Variants in ARL2 observed in about 807,000 individuals in gnomAD.
ARL2 encodes ARF like GTPase 2.
In ARL2, 11 loss-of-function variants were observed where a neutral mutation model predicts 22.0. The observed-to-expected ratio is 0.50, with a 90% CI of 0.31 to 0.83. The LOEUF is 0.83. Among genes scored for constraint, ARL2 ranks in the 40% least tolerant of loss-of-function variants. The probability of loss-of-function intolerance (pLI) is 0.04; values close to 1 mark genes in which losing one functional copy is unlikely to be tolerated. For missense variants in ARL2, 216 were observed against 243.2 expected, an observed-to-expected ratio of 0.89 and a Z score of 0.74; for synonymous variants, 111 against 100.8, an observed-to-expected ratio of 1.10 and a Z score of -0.61.
rs928698954 is a variant in ARL2 at position 65,018,791 on chromosome 11, A to T, written c.339+58A>T. On this transcript the variant is annotated intron_variant, in intron 3 of 4. Coordinates refer to ENST00000246747, the MANE Select transcript of ARL2 (RefSeq NM_001667.4). This position sits in a 1 kb window ranked among gnomAD's most constrained non-coding sequence, Gnocchi z 4.2. The stretch of plus-strand genomic sequence containing the variant: ...GGACGTGTGGCTGCCTTCTCAGCAG[A>T]TGCCCAGAGGGGCCCGTGGCCCCAG... The T allele has an allele frequency of 1.4e-5, 22 of 1,604,506 alleles. No homozygotes were observed. Among genetic ancestry groups the T allele is most frequent in the Non-Finnish European group, 1.8e-5 (21 of 1,178,152 alleles).
At chr11:65,021,637 C>T in intron 4 of ARL2, 84 bp from the exon 5 acceptor site, 2 of 1,468,462 alleles carry the variant, frequency 1.4e-6, no homozygotes, top group South Asian at 1.3e-5. Context: ...GCGTGGAGTT[C>T]CTCTGGGCTG....
chr11:65,021,724 C>T lies in ARL2; in HGVS notation c.424C>T (p.Leu142=). The change falls in exon 5 of 5, where the codon CTG becomes TTG. Residue 142 remains leucine (L), a synonymous_variant. Transcript: ENST00000246747. ...ALSSNAIREV[L]ELDSIRSHHW... is the part of the protein sequence containing the mutation. The stretch of plus-strand genomic sequence containing the variant: ...ATCAGCACCTTTGTCCTCCCAGGTC[C>T]TGGAGCTGGACTCCATCCGCAGCCA... 3 of 1,601,702 alleles carry T rather than the reference C, an allele frequency of 1.9e-6. No individual in the cohort carries two copies. Among genetic ancestry groups the T allele is most frequent in the Non-Finnish European group, 1.7e-6 (2 of 1,174,686 alleles).
At position 65,014,366 on chromosome 11, in the gene ARL2, G is replaced by A. The variant is rs1022351810; in HGVS notation, c.65+94G>A. ...CTGTCGGGAGCGGAACGCGGCGGCC[G>A]GCGCGTCCCAACTGCCCCTGGCGTC... On this transcript the variant is annotated intron_variant, in intron 1 of 4. Transcript: ENST00000246747. 19 of 1,126,648 alleles carry A rather than the reference G, an allele frequency of 1.7e-5. No individual in the cohort carries two copies. In the African/African-American group the frequency reaches 2.8e-4, roughly 17 times the overall value. 69.8% of individuals were successfully genotyped at this position (1,126,648 alleles called of 1,614,324 possible).
intron 1 of ARL2, among the ~76,000 whole-genome samples, chr11:65,014,968 C>T (rs1011832519): frequency 1.3e-5 from 2 of 152,244 alleles, no homozygotes; most frequent in Admixed American, 1.3e-4. Flanking sequence ...GAGACAGGGT[C>T]TTGCTCTGTT....
chr11:65,021,580 G>T, intron 4 of ARL2, 141 bp from the exon 5 acceptor site: 1 of 1,103,754 alleles, frequency 9.1e-7, no homozygotes, highest in Non-Finnish European at 1.3e-6. Flanking sequence ...CCCTGGGACC[G>T]GCGGGGCTTC....
chr11:65,018,907 G>A lies in ARL2; in HGVS notation c.339+174G>A. ...AGGCAGGACACATGCTGTGGACTGA[G>A]ATTGAGTTAACGTCCCTGTGGTGTT... On this transcript the variant is annotated intron_variant, in intron 3 of 4. Coordinates refer to ENST00000246747, the MANE Select transcript of ARL2 (RefSeq NM_001667.4). This position sits in a 1 kb window ranked among gnomAD's most constrained non-coding sequence, Gnocchi z 4.2. The A allele has an allele frequency of 6.5e-7, 1 of 1,533,564 alleles. No individual in the cohort carries two copies. The highest frequency in any genetic ancestry group is 2.5e-5 in the East Asian group (1 of 40,788). 95.0% of individuals were successfully genotyped at this position (1,533,564 alleles called of 1,614,324 possible).
intron 1 of ARL2, among the ~76,000 whole-genome samples, chr11:65,015,813 C>T (rs1195514309): frequency 6.6e-6 from 1 of 151,982 alleles, no homozygotes; most frequent in Non-Finnish European, 1.5e-5. Flanking sequence ...ATGCTTTGGA[C>T]CATGCTTCTG....
chr11:65,020,479 T>C lies in ARL2; in HGVS notation c.400T>C (p.Ser134Pro), dbSNP rs746804914. The stretch of plus-strand genomic sequence containing the variant: ...TAAGCAGGACCTGCCTGGAGCACTG[T>C]CCTCTAACGCCATCCGCGAGGTGAG... ...ANKQDLPGAL[S>P]SNAIREVLEL... Residue 134 changes from serine (S) to proline (P), a missense_variant, in exon 4 of 5, where the codon TCC becomes CCC. Coordinates refer to ENST00000246747, the MANE Select transcript of ARL2 (RefSeq NM_001667.4). 1.9e-6 allele frequency: 3 copies of C among 1,612,220 alleles called. No homozygotes were observed. In the South Asian group the frequency reaches 3.3e-5, roughly 18 times the overall value.
Position 65,018,457 on chromosome 11 carries a change from G to C in ARL2, c.159G>C (p.Lys53Asn), listed in dbSNP as rs749724483. ...CCCCAACGCTGGGCTTCAACATCAA[G>C]ACCCTGGAGCACCGAGGGTGAGCAG... ...TISPTLGFNIKTLEHRGFKLN... is the reference protein window; with the variant it reads ...TISPTLGFNINTLEHRGFKLN... The change falls in exon 2 of 5, where the codon AAG becomes AAC. Residue 53 changes from lysine to asparagine, a missense_variant. Physicochemically the swap from Lys to Asn is moderately conservative, Grantham distance 94. Coordinates refer to ENST00000246747, the MANE Select transcript of ARL2 (RefSeq NM_001667.4). The surrounding 1 kb of genome is among the most constrained non-coding windows in gnomAD (Gnocchi z 4.2). 1 of 1,608,378 alleles carries C rather than the reference G, an allele frequency of 6.2e-7. No individual in the cohort carries two copies. The highest frequency in any genetic ancestry group is 8.5e-7 in the Non-Finnish European group (1 of 1,177,664).
At chr11:65,016,045 GA>G (rs1232237710) in intron 1 of ARL2, among the ~76,000 whole-genome samples, 2 of 151,768 alleles carry the variant, frequency 1.3e-5, no homozygotes, top group African/African-American at 4.8e-5. Context: ...CGTCTCTACT[GA>G]AAATACAAAA....
In ARL2 at chr11:65,018,674, G is replaced by A. The variant is rs766982672; in HGVS notation, c.280G>A (p.Ala94Thr). The A allele has an allele frequency of 1.1e-5, 18 of 1,614,074 alleles. No homozygotes were observed. The highest frequency in any genetic ancestry group is 3.3e-5 in the Admixed American group (2 of 60,002). Residue 94 changes from alanine (A) to threonine (T), a missense_variant, in exon 3 of 5, where the codon GCA becomes ACA. Coordinates refer to ENST00000246747, the MANE Select transcript of ARL2 (RefSeq NM_001667.4). The surrounding 1 kb of genome is among the most constrained non-coding windows in gnomAD (Gnocchi z 4.2). ...TGGCCTCATCTGGGTAGTGGACAGC[G>A]CAGACCGCCAGCGCATGCAGGACTG... The part of the protein sequence containing the change: ...TDGLIWVVDS[A>T]DRQRMQDCQR...
At position 65,018,584 on chromosome 11, in the gene ARL2, A is replaced by G; in HGVS notation, c.190A>G (p.Ile64Val). 1.2e-6 allele frequency: 2 copies of G among 1,611,050 alleles called. No individual in the cohort carries two copies. Among genetic ancestry groups the G allele is most frequent in the South Asian group, 2.2e-5 (2 of 90,580 alleles). Reference sequence around the variant, plus strand: ...CTCCTTGCCCAGATTCAAGCTGAACATCTGGGATGTGGGTGGCCAGAAGTC... The same window carrying G: ...CTCCTTGCCCAGATTCAAGCTGAACGTCTGGGATGTGGGTGGCCAGAAGTC... The part of the protein sequence containing the change: ...TLEHRGFKLN[I>V]WDVGGQKSLR... The change falls in exon 3 of 5, where the codon ATC (isoleucine) becomes GTC (valine). Residue 64 changes from isoleucine (I) to valine (V), a missense_variant. Ile to Val is a conservative substitution (Grantham distance 29). Coordinates refer to ENST00000246747, the MANE Select transcript of ARL2 (RefSeq NM_001667.4). This position sits in a 1 kb window ranked among gnomAD's most constrained non-coding sequence, Gnocchi z 4.2.
chr11:65,020,196 G>A (rs558243426), intron 3 of ARL2, among the ~76,000 whole-genome samples: 1 of 152,188 alleles, frequency 6.6e-6, no homozygotes, highest in Non-Finnish European at 1.5e-5. Flanking sequence ...TCCCCTGGGT[G>A]GTGGTTGGCT....
At position 65,022,039 on chromosome 11, in the gene ARL2, C is replaced by T. The variant is rs903647631; in HGVS notation, c.*184C>T. The T allele has an allele frequency of 5.8e-6, 5 of 861,150 alleles. No homozygotes were observed. Among genetic ancestry groups the T allele is most frequent in the Middle Eastern group, 6.5e-4 (2 of 3,072 alleles). The allele number at this position is 861,150 out of a possible 1,614,324, so 53.3% of individuals were successfully genotyped here. Reference sequence around the variant, plus strand: ...GGCTCCCATGGCGGGAGGGCTGTGCCCTGGCTGTCTCTCTGGCTCCTGACC... The same window carrying T: ...GGCTCCCATGGCGGGAGGGCTGTGCTCTGGCTGTCTCTCTGGCTCCTGACC... On this transcript the variant is annotated 3_prime_UTR_variant, in exon 5 of 5. Coordinates refer to ENST00000246747, the MANE Select transcript of ARL2 (RefSeq NM_001667.4).
In ARL2 at chr11:65,018,469, C is replaced by T. The variant is rs774777357; in HGVS notation, c.171C>T (p.His57=). Residue 57 remains histidine, a synonymous_variant, in exon 2 of 5, where the codon CAC becomes CAT. Coordinates refer to ENST00000246747, the MANE Select transcript of ARL2 (RefSeq NM_001667.4). This position sits in a 1 kb window ranked among gnomAD's most constrained non-coding sequence, Gnocchi z 4.2. ...GCTTCAACATCAAGACCCTGGAGCA[C>T]CGAGGGTGAGCAGGGGCCCCATGGG... ...TLGFNIKTLE[H]RGFKLNIWDV... is the part of the protein sequence containing the mutation. 8.1e-6 allele frequency: 13 copies of T among 1,607,134 alleles called. No homozygotes were observed. The highest frequency in any genetic ancestry group is 9.3e-6 in the Non-Finnish European group (11 of 1,177,132).
chr11:65,014,294 C>G, intron 1 of ARL2, 22 bp downstream of exon 1: 1 of 1,533,414 alleles, frequency 6.5e-7, no homozygotes, highest in Non-Finnish European at 8.7e-7. Context: ...GACGCCGGAA[C>G]CGCGAGGGTG....
At chr11:65,017,281 T>C (rs1590729820) in intron 1 of ARL2, among the ~76,000 whole-genome samples, 1 of 149,780 alleles carries the variant, frequency 6.7e-6, no homozygotes, top group African/African-American at 2.5e-5. Context: ...TTGCAACCTC[T>C]GCCTGCCGGG....
chr11:65,019,571 A>G (rs1946303513), intron 3 of ARL2: 1 of 152,862 alleles, frequency 6.5e-6, no homozygotes, highest in Non-Finnish European at 1.5e-5. Context: ...ACTTGCAAAG[A>G]TAGTACAGAG....
Position 65,018,666 on chromosome 11 carries a change from T to C in ARL2, c.272T>C (p.Val91Ala). The C allele has an allele frequency of 1.2e-6, 2 of 1,614,166 alleles. No homozygotes were observed. The highest frequency in any genetic ancestry group is 1.3e-5 in the African/African-American group (1 of 75,040). ...AGCACCGATGGCCTCATCTGGGTAG[T>C]GGACAGCGCAGACCGCCAGCGCATG... The part of the protein sequence containing the change: ...FESTDGLIWV[V>A]DSADRQRMQD... Residue 91 changes from valine to alanine, a missense_variant, in exon 3 of 5, where the codon GTG becomes GCG. Val to Ala is a moderately conservative substitution (Grantham distance 64, BLOSUM62 0). Transcript: ENST00000246747. The surrounding 1 kb of genome is among the most constrained non-coding windows in gnomAD (Gnocchi z 4.2).
Sources: allele counts gnomAD v4.1 joint callset (sites outside exome capture counted in the v4.1 genomes callset), GRCh38; gene constraint gnomAD v4.1.1; non-coding constraint Gnocchi (gnomAD v3.1); transcripts MANE v1.5; gene names NCBI Gene and HGNC (gene_info 2026-07-23, HGNC 2026-07-21).